ITPR2: variants seen among roughly 807,000 people sequenced by gnomAD.
The protein encoded by ITPR2 is inositol 1,4,5-trisphosphate receptor type 2.
In ITPR2, 207 loss-of-function variants were observed where a neutral mutation model predicts 317.1. That is an observed-to-expected ratio of 0.65 (90% CI 0.58 to 0.73). The LOEUF is 0.73. Ranked by LOEUF, ITPR2 falls within the 30% of genes least tolerant of loss-of-function variation. ITPR2 has a pLI of 0.00. For missense variants in ITPR2, 2,613 were observed against 3,284.0 expected, an observed-to-expected ratio of 0.80 and a Z score of 4.99; for synonymous variants, 1,156 against 1,149.1, an observed-to-expected ratio of 1.01 and a Z score of -0.12.
chr12:26,798,046 A>G (rs1382496044), intron 1 of ITPR2, among the ~76,000 whole-genome samples: 1 of 151,742 alleles, frequency 6.6e-6, no homozygotes, highest in Non-Finnish European at 1.5e-5. Context: ...TGATCCCCCA[A>G]CGCTGGGATT....
At chr12:26,822,063 C>T (rs1041912851) in intron 1 of ITPR2, among the ~76,000 whole-genome samples, 2 of 152,134 alleles carry the variant, frequency 1.3e-5, no homozygotes, top group African/African-American at 4.8e-5. Flanking sequence ...GTGATTATTT[C>T]ATAATTAGTC....
chr12:26,633,067 T>C (rs1359915141), intron 21 of ITPR2, among the ~76,000 whole-genome samples: 3 of 152,086 alleles, frequency 2.0e-5, no homozygotes, highest in Non-Finnish European at 4.4e-5. Context: ...GGCTAAGAAT[T>C]TTCCTTTCCC....
intron 11 of ITPR2, among the ~76,000 whole-genome samples, chr12:26,683,442 T>G (rs1948072601): frequency 6.6e-6 from 1 of 152,208 alleles, no homozygotes; most frequent in Non-Finnish European, 1.5e-5. Context: ...TGCCATCTAG[T>G]GTTCCTAAAG....
At chr12:26,797,583 A>G (rs1009489043) in intron 1 of ITPR2, among the ~76,000 whole-genome samples, 2 of 151,904 alleles carry the variant, frequency 1.3e-5, no homozygotes, top group Non-Finnish European at 2.9e-5. Flanking sequence ...GAATTTGGGG[A>G]AAGAGAGAAG....
chr12:26,676,019 G>T (rs1182685634), intron 13 of ITPR2, among the ~76,000 whole-genome samples: 1 of 152,134 alleles, frequency 6.6e-6, no homozygotes, highest in Non-Finnish European at 1.5e-5. Flanking sequence ...TTAGCTAGGT[G>T]TGGTGGCACA....
chr12:26,718,077 A>G (rs1252832869), intron 5 of ITPR2, among the ~76,000 whole-genome samples: 1 of 152,182 alleles, frequency 6.6e-6, no homozygotes, highest in Non-Finnish European at 1.5e-5. Context: ...CTTCTAAAAA[A>G]CAAAAACAAA....
chr12:26,568,011 T>TATATA (rs796118530), intron 34 of ITPR2, among the ~76,000 whole-genome samples: 103 of 7,922 alleles, frequency 0.013, 4 homozygotes, highest in Non-Finnish European at 0.087. Flanking sequence ...ATATATTATA[T>TATATA]ATATATATAT....
chr12:26,530,242 A>G (rs1943912928), intron 37 of ITPR2, among the ~76,000 whole-genome samples: 1 of 152,226 alleles, frequency 6.6e-6, no homozygotes, highest in African/African-American at 2.4e-5. Flanking sequence ...AGACCAGCAC[A>G]CTTAATGTGG....
At chr12:26,477,097 A>G in intron 43 of ITPR2, 90 bp from the exon 44 acceptor site, 2 of 759,084 alleles carry the variant, frequency 2.6e-6, no homozygotes, top group Admixed American at 2.5e-5. Context: ...GATTACTAGG[A>G]CCTTTTTTAA....
intron 54 of ITPR2, among the ~76,000 whole-genome samples, chr12:26,391,453 C>T (rs964498848): frequency 6.6e-6 from 1 of 150,958 alleles, no homozygotes; most frequent in African/African-American, 2.4e-5. Context: ...TTTGGAGATG[C>T]AGATGAAATG....
intron 45 of ITPR2, among the ~76,000 whole-genome samples, chr12:26,450,992 T>C (rs940296362): frequency 1.3e-5 from 2 of 152,164 alleles, no homozygotes; most frequent in Non-Finnish European, 1.5e-5. Flanking sequence ...AGTTAATTCT[T>C]GTCCTTCTTT....
chr12:26,567,390 A>T (rs1460881242), intron 34 of ITPR2, among the ~76,000 whole-genome samples: 2 of 152,164 alleles, frequency 1.3e-5, no homozygotes, highest in African/African-American at 4.8e-5. Flanking sequence ...AGACTCCACG[A>T]TCCCAAACTC....
chr12:26,676,393 C>T (rs1214302656), intron 13 of ITPR2, among the ~76,000 whole-genome samples: 2 of 150,956 alleles, frequency 1.3e-5, no homozygotes, highest in Non-Finnish European at 2.9e-5. Context: ...AAAAGAATCA[C>T]TTGAGCCTGC....
chr12:26,560,803 G>A (rs1273427759), intron 35 of ITPR2, among the ~76,000 whole-genome samples: 7 of 151,930 alleles, frequency 4.6e-5, no homozygotes, highest in East Asian at 1.9e-4. Context: ...TTCTAATCCC[G>A]TATAACACTC....
At chr12:26,409,699 AG>A in intron 52 of ITPR2, among the ~76,000 whole-genome samples, 1 of 152,312 alleles carries the variant, frequency 6.6e-6, no homozygotes, top group African/African-American at 2.4e-5. Context: ...CCTCTGTTCA[AG>A]GGTGTATCAA....
At chr12:26,678,044 A>C (rs1262711872) in intron 13 of ITPR2, among the ~76,000 whole-genome samples, 1 of 152,226 alleles carries the variant, frequency 6.6e-6, no homozygotes, top group Non-Finnish European at 1.5e-5. Flanking sequence ...GCCATGCTGC[A>C]TGGCCAAGTG....
At chr12:26,807,737 G>A (rs1048711484) in intron 1 of ITPR2, among the ~76,000 whole-genome samples, 1 of 152,106 alleles carries the variant, frequency 6.6e-6, no homozygotes, top group Non-Finnish European at 1.5e-5. Context: ...CAGTTGCTTG[G>A]TAAGGGACAT....
At chr12:26,520,529 T>C (rs113316340) in intron 37 of ITPR2, among the ~76,000 whole-genome samples, 2,947 of 152,268 alleles carry the variant, frequency 0.019, 53 homozygotes, top group African/African-American at 0.047. Context: ...CGGCTCCTGG[T>C]CTTTGCCAGT....
Position 26,597,051 on chromosome 12 carries a change from C to T in ITPR2, c.4086G>A (p.Glu1362=). ...GGCCACTCTCATCCCCTCGGTCTCT[C>T]TCTGAACACATCATATGGAGAAGGA... is the stretch of plus-strand genomic sequence containing the variant. ...FPILLHMMCS[E]RDRGDESGPL... The change falls in exon 31 of 57, where the codon GAG becomes GAA. Residue 1362 remains glutamate, a synonymous_variant. Transcript: ENST00000381340. 6.2e-7 allele frequency: 1 copy of T among 1,614,080 alleles called. No homozygotes were observed. Among genetic ancestry groups the T allele is most frequent in the East Asian group, 2.2e-5 (1 of 44,882 alleles).
Sources: gnomAD v4.1 joint callset for allele counts (sites outside exome capture counted in the v4.1 genomes callset) on GRCh38, gnomAD v4.1.1 for gene constraint, MANE v1.5 for transcripts, NCBI Gene and HGNC (gene_info 2026-07-23, HGNC 2026-07-21) for gene names.